Variants in SDK1 observed in about 807,000 individuals in gnomAD.
The protein encoded by SDK1 is protein sidekick-1.
In SDK1, 157 loss-of-function variants were observed where a neutral mutation model predicts 245.5. The ratio of observed to expected loss-of-function variants is 0.64; its 90% CI spans 0.56 to 0.73. SDK1 has a LOEUF of 0.73. Ranked by LOEUF, SDK1 falls within the 30% of genes least tolerant of loss-of-function variation. The pLI, the probability that SDK1 is intolerant of heterozygous loss-of-function variation, is 0.00. For synonymous variants in SDK1, 1,647 were observed against 1,278.5 expected (o/e 1.29, Z -6.15); for missense variants, 3,583 against 3,002.3 (o/e 1.19, Z -4.52).
At chr7:4,237,554 C>T in intron 41 of SDK1, 93 bp from the exon 42 acceptor site, 1 of 1,465,564 alleles carries the variant, frequency 6.8e-7, no homozygotes, top group Non-Finnish European at 9.5e-7. Context: ...AGTTATCTAC[C>T]CCAGCCTTCC....
At chr7:4,174,082 A>G (rs1782020621) in intron 32 of SDK1, 140 bp from the exon 33 acceptor site, 2 of 851,290 alleles carry the variant, frequency 2.3e-6, no homozygotes, top group South Asian at 3.1e-5. Flanking sequence ...GTTCGTCTTG[A>G]TGAATCTGAC....
At chr7:4,177,399 C>T (rs530613869) in intron 34 of SDK1, among the ~76,000 whole-genome samples, 2 of 152,366 alleles carry the variant, frequency 1.3e-5, no homozygotes, top group East Asian at 1.9e-4. Flanking sequence ...CTCACCCTGT[C>T]ACTTAGTGCG....
chr7:3,988,489 G>A (rs1273740536), intron 14 of SDK1, among the ~76,000 whole-genome samples: 1 of 152,038 alleles, frequency 6.6e-6, no homozygotes, highest in Non-Finnish European at 1.5e-5. Context: ...CGTCCTGCAG[G>A]GGTTCCTGCT....
intron 12 of SDK1, 109 bp from the exon 13 acceptor site, chr7:3,974,260 A>T: frequency 2.4e-6 from 2 of 824,584 alleles, no homozygotes; most frequent in Non-Finnish European, 3.8e-6. Flanking sequence ...AGTGGTTTTT[A>T]AAGTCCATTC....
intron 1 of SDK1, among the ~76,000 whole-genome samples, chr7:3,331,898 T>C (rs1780078356): frequency 1.3e-5 from 2 of 152,334 alleles, no homozygotes; most frequent in South Asian, 4.1e-4. Flanking sequence ...TACAATAAAA[T>C]GTAACCTTGC....
intron 1 of SDK1, among the ~76,000 whole-genome samples, chr7:3,408,180 G>A (rs978786055): frequency 1.3e-5 from 2 of 152,020 alleles, no homozygotes; most frequent in Non-Finnish European, 2.9e-5. Context: ...TGGGACTACA[G>A]ATATGTGCCA....
At chr7:4,257,992 A>G (rs1242720265) in intron 44 of SDK1, among the ~76,000 whole-genome samples, 1 of 152,232 alleles carries the variant, frequency 6.6e-6, no homozygotes, top group East Asian at 1.9e-4. Flanking sequence ...GACACAAACA[A>G]CAGGAATCAC....
At position 4,261,154 on chromosome 7, in the gene SDK1, G is replaced by A. The variant is rs1787976895; in HGVS notation, c.6382-3970G>A. 2.0e-5 allele frequency among the ~76,000 whole-genome samples: 3 copies of A among 152,142 alleles called. No homozygotes were observed. In the South Asian group the frequency reaches 6.2e-4, roughly 32 times the overall value. The stretch of plus-strand genomic sequence containing the variant: ...CCATGGGGTTTCTGCACAGCCTGGA[G>A]GCTGACCACTCTCACAGGGCTCCGG... On this transcript the variant is annotated intron_variant, in intron 44 of 44. Transcript: ENST00000404826.
rs191964967 is a variant in SDK1, at chr7:3,560,769, C to T, written c.299-58311C>T. On this transcript the variant is annotated intron_variant, in intron 1 of 44. Coordinates refer to ENST00000404826, the MANE Select transcript of SDK1 (RefSeq NM_152744.4). ...TCTCTGTATCCTCCTCTCCTACTAC[C>T]CCTCCCCAGCTCTGCTCTTCCAGCC... Among the ~76,000 whole-genome samples, 4 of 152,262 alleles carry T rather than the reference C, an allele frequency of 2.6e-5. No homozygotes were observed. The East Asian group carries it at 7.7e-4, about 29-fold the overall frequency.
intron 32 of SDK1, among the ~76,000 whole-genome samples, chr7:4,169,116 G>T (rs1294740108): frequency 6.6e-6 from 1 of 152,236 alleles, no homozygotes; most frequent in Non-Finnish European, 1.5e-5. Context: ...CAGGGTCTTG[G>T]AAGTCACTGC....
chr7:3,310,570 G>A (rs922231754), intron 1 of SDK1, among the ~76,000 whole-genome samples: 3 of 152,184 alleles, frequency 2.0e-5, no homozygotes, highest in African/African-American at 4.8e-5. Context: ...TGCATGACTA[G>A]TTGGCTAGTA....
intron 5 of SDK1, among the ~76,000 whole-genome samples, chr7:3,939,585 C>T (rs575388743): frequency 6.6e-6 from 1 of 152,182 alleles, no homozygotes; most frequent in Admixed American, 6.5e-5. Context: ...CTGGGGATGA[C>T]CTGGATCTCC....
intron 1 of SDK1, among the ~76,000 whole-genome samples, chr7:3,564,995 G>A (rs1779865594): frequency 6.6e-6 from 1 of 152,008 alleles, no homozygotes; most frequent in Non-Finnish European, 1.5e-5. Flanking sequence ...AGGGGATCAG[G>A]TACTTTAAAA....
At chr7:3,521,220 G>C (rs1217519325) in intron 1 of SDK1, among the ~76,000 whole-genome samples, 1 of 152,132 alleles carries the variant, frequency 6.6e-6, no homozygotes, top group Non-Finnish European at 1.5e-5. Context: ...GCCATTCAAG[G>C]GAATCTTTTA....
chr7:3,305,380 C>T (rs1466201831), intron 1 of SDK1, among the ~76,000 whole-genome samples: 1 of 152,130 alleles, frequency 6.6e-6, no homozygotes, highest in East Asian at 1.9e-4. Flanking sequence ...TAATGTCACT[C>T]AATTTCTCTG....
intron 1 of SDK1, among the ~76,000 whole-genome samples, chr7:3,443,079 C>A (rs1158780480): frequency 3.4e-5 from 5 of 147,892 alleles, no homozygotes; most frequent in African/African-American, 5.0e-5. Flanking sequence ...TTTTTTTTTT[C>A]CCTCCCAAGT....
At chr7:3,741,437 G>A (rs778889896) in intron 4 of SDK1, among the ~76,000 whole-genome samples, 1 of 152,192 alleles carries the variant, frequency 6.6e-6, no homozygotes, top group Non-Finnish European at 1.5e-5. Flanking sequence ...TGCCATATCT[G>A]TGTGAAGCTT....
chr7:3,801,622 A>T (rs1779109038), intron 4 of SDK1, among the ~76,000 whole-genome samples: 1 of 152,190 alleles, frequency 6.6e-6, no homozygotes, highest in Non-Finnish European at 1.5e-5. Context: ...ATTGATGATG[A>T]GTCCTTCTCA....
chr7:3,604,618 T>G (rs1451326839), intron 1 of SDK1, among the ~76,000 whole-genome samples: 1 of 149,320 alleles, frequency 6.7e-6, no homozygotes, highest in Non-Finnish European at 1.5e-5. Flanking sequence ...TTTTTTTTTT[T>G]TGAGACAGAG....
Sources: gnomAD v4.1 joint callset for allele counts (sites outside exome capture counted in the v4.1 genomes callset) on GRCh38, gnomAD v4.1.1 for gene constraint, MANE v1.5 for transcripts, NCBI Gene and HGNC (gene_info 2026-07-23, HGNC 2026-07-21) for gene names.